The following EPHB1 variants were observed in gnomAD, a reference collection of about 807,000 sequenced individuals.
EPHB1 encodes EPH receptor B1, also known as ephrin type-B receptor 1.
Under a neutral mutation model 94.4 loss-of-function variants are expected in EPHB1, and 30 were observed. The observed-to-expected ratio is 0.32, with a 90% CI of 0.24 to 0.43. EPHB1 has a LOEUF of 0.43. Among genes scored for constraint, EPHB1 ranks in the 20% least tolerant of loss-of-function variants. The probability of loss-of-function intolerance (pLI) is 1.00; values close to 1 mark genes in which losing one functional copy is unlikely to be tolerated. For missense variants in EPHB1, 1,055 were observed against 1,308.3 expected (o/e 0.81, Z 2.99); for synonymous variants, 522 against 489.1 (o/e 1.07, Z -0.89).
chr3:134,997,572 C>T (rs1045088659), intron 3 of EPHB1, among the ~76,000 whole-genome samples: 4 of 152,164 alleles, frequency 2.6e-5, no homozygotes, highest in African/African-American at 9.7e-5. Context: ...TTCTACATTA[C>T]TGACTTGATG....
chr3:134,932,415 T>C (rs1430764865), intron 2 of EPHB1, among the ~76,000 whole-genome samples: 4 of 152,170 alleles, frequency 2.6e-5, no homozygotes, highest in Non-Finnish European at 5.9e-5. Context: ...CCCACTCTAA[T>C]AACACCTCAT....
At chr3:134,932,306 A>G (rs1320591709) in intron 2 of EPHB1, among the ~76,000 whole-genome samples, 1 of 152,150 alleles carries the variant, frequency 6.6e-6, no homozygotes, top group Admixed American at 6.5e-5. Context: ...TGCGCTGTCT[A>G]GGCCACTTGG....
chr3:135,218,767 A>G (rs1943213506), intron 12 of EPHB1, among the ~76,000 whole-genome samples: 1 of 152,264 alleles, frequency 6.6e-6, no homozygotes, highest in Non-Finnish European at 1.5e-5. Flanking sequence ...CCTAGCAAAA[A>G]AAGACAGACA....
intron 3 of EPHB1, among the ~76,000 whole-genome samples, chr3:135,097,148 CG>C (rs1353566806): frequency 2.1e-5 from 3 of 142,042 alleles, no homozygotes; most frequent in Non-Finnish European, 4.6e-5. Context: ...TAGGCTTCAA[CG>C]TATGATTTTT....
rs529794286 is a variant in EPHB1 at position 134,996,799 on chromosome 3, A to T, written c.805+44747A>T. 7.2e-5 allele frequency among the ~76,000 whole-genome samples: 11 copies of T among 152,200 alleles called. No individual in the cohort carries two copies. The South Asian group carries it at 2.3e-3, about 32-fold the overall frequency. The stretch of plus-strand genomic sequence containing the variant: ...CTTATTTGTATTTCTTCTATCTTGA[A>T]TGCCTGTTCATATTCTTTACCCATT... On this transcript the variant is annotated intron_variant, in intron 3 of 15. Coordinates refer to ENST00000398015, the MANE Select transcript of EPHB1 (RefSeq NM_004441.5).
intron 3 of EPHB1, among the ~76,000 whole-genome samples, chr3:134,989,520 CAT>C (rs1553718763): frequency 3.3e-5 from 5 of 150,094 alleles, no homozygotes; most frequent in African/African-American, 1.0e-4. Flanking sequence ...CACACACACA[CAT>C]ATATGTGAAT....
rs534473393 is a variant in EPHB1, at chr3:135,015,101, A to G, written c.805+63049A>G. ...GACCTCACCTCCACCTCTGGTCCTG[A>G]CTCCCCCTGTGCGTGGCCATTCCAG... is the stretch of plus-strand genomic sequence containing the variant. On this transcript the variant is annotated intron_variant, in intron 3 of 15. Transcript: ENST00000398015. Among the ~76,000 whole-genome samples the G allele has an allele frequency of 2.0e-5, 3 of 150,116 alleles. No homozygotes were observed. In the South Asian group the frequency reaches 6.5e-4, roughly 32 times the overall value.
intron 12 of EPHB1, among the ~76,000 whole-genome samples, chr3:135,203,673 C>G (rs1253369947): frequency 6.6e-6 from 1 of 152,208 alleles, no homozygotes; most frequent in African/African-American, 2.4e-5. Flanking sequence ...TGCACCTGCC[C>G]TGACGCATTA....
intron 3 of EPHB1, among the ~76,000 whole-genome samples, chr3:135,035,411 A>G (rs1936613813): frequency 6.6e-6 from 1 of 152,220 alleles, no homozygotes; most frequent in Admixed American, 6.5e-5. Context: ...CTTGGGGGAA[A>G]AAAGAACATT....
chr3:134,846,538 A>C (rs1560260131), intron 1 of EPHB1, among the ~76,000 whole-genome samples: 1 of 152,178 alleles, frequency 6.6e-6, no homozygotes, highest in East Asian at 1.9e-4. Flanking sequence ...TCCAAAGTAC[A>C]TCTTGTGTGA....
chr3:135,054,040 T>TATATATACACACAC (rs377064799), intron 3 of EPHB1, among the ~76,000 whole-genome samples: 22 of 139,874 alleles, frequency 1.6e-4, no homozygotes, highest in Admixed American at 3.6e-4. Flanking sequence ...TATATATATA[T>TATATATACACACAC]ACACACACAC....
intron 13 of EPHB1, among the ~76,000 whole-genome samples, chr3:135,243,090 AAAAAG>A (rs869264520): frequency 0.026 from 2,013 of 77,756 alleles, 56 homozygotes; most frequent in Middle Eastern, 0.055. Context: ...AAAAAAAAAA[AAAAAG>A]AAAAGAAAAG....
intron 3 of EPHB1, among the ~76,000 whole-genome samples, chr3:135,083,090 T>G (rs1383337460): frequency 6.6e-6 from 1 of 152,114 alleles, no homozygotes; most frequent in Non-Finnish European, 1.5e-5. Flanking sequence ...CAGTCTTCCA[T>G]TTGCCTGGAA....
chr3:134,989,165 A>C (rs997929960), intron 3 of EPHB1, among the ~76,000 whole-genome samples: 2 of 152,192 alleles, frequency 1.3e-5, no homozygotes, highest in Non-Finnish European at 2.9e-5. Context: ...GTGGTGAAGC[A>C]GGATCACAGG....
intron 1 of EPHB1, among the ~76,000 whole-genome samples, chr3:134,832,188 A>G (rs1448343466): frequency 1.3e-5 from 2 of 152,346 alleles, no homozygotes; most frequent in African/African-American, 4.8e-5. Context: ...CAGGAATTCA[A>G]ATTTAACTGG....
Position 135,259,779 on chromosome 3 carries a change from C to T in EPHB1, c.*659C>T, listed in dbSNP as rs1019015232. 3 of 214,892 alleles carry T rather than the reference C, an allele frequency of 1.4e-5. No homozygotes were observed. The highest frequency in any genetic ancestry group is 6.8e-5 in the African/African-American group (3 of 44,096). The allele number at this position is 214,892 out of a possible 1,614,324, so 13.3% of individuals were successfully genotyped here. A position where few individuals can be genotyped will look rare whatever the true frequency, so the allele number is the denominator to read the frequency against. The stretch of plus-strand genomic sequence containing the variant: ...CTCGTTTTTCTTTTGTTTGCATTTT[C>T]TGCAAAAAGGAAAAAGAAACCACAA... On this transcript the variant is annotated 3_prime_UTR_variant, in exon 16 of 16. Transcript: ENST00000398015.
intron 1 of EPHB1, among the ~76,000 whole-genome samples, chr3:134,925,465 T>C (rs1370579642): frequency 6.6e-6 from 1 of 152,166 alleles, no homozygotes; most frequent in Non-Finnish European, 1.5e-5. Context: ...CCTGGCAGAA[T>C]CTCTGGGAAG....
chr3:135,052,860 CAAAAAAAAAAAA>C (rs1193207059), intron 3 of EPHB1, among the ~76,000 whole-genome samples: 3 of 12,096 alleles, frequency 2.5e-4, no homozygotes, highest in African/African-American at 1.1e-3. Context: ...GACTCCGTCT[CAAAAAAAAAAAA>C]AAAAAAAAAA....
At chr3:135,202,023 A>T (rs1942770235) in intron 12 of EPHB1, among the ~76,000 whole-genome samples, 1 of 152,178 alleles carries the variant, frequency 6.6e-6, no homozygotes, top group African/African-American at 2.4e-5. Context: ...CTGTCAGCAG[A>T]GAGCAGACCC....
Sources: allele counts gnomAD v4.1 joint callset (sites outside exome capture counted in the v4.1 genomes callset), GRCh38; gene constraint gnomAD v4.1.1; transcripts MANE v1.5; gene names NCBI Gene and HGNC (gene_info 2026-07-23, HGNC 2026-07-21).